UBE4B: variants seen among roughly 807,000 people sequenced by gnomAD.
UBE4B encodes the protein ubiquitination factor E4B.
In UBE4B, 27 loss-of-function variants were observed where a neutral mutation model predicts 148.1. The observed-to-expected ratio is 0.18, with a 90% CI of 0.13 to 0.25. The LOEUF is 0.25. UBE4B is among the 10% of genes least tolerant of loss of function. The probability of loss-of-function intolerance (pLI) is 1.00; values close to 1 mark genes in which losing one functional copy is unlikely to be tolerated. For synonymous variants in UBE4B, 596 were observed against 619.3 expected, an observed-to-expected ratio of 0.96 and a Z score of 0.56; for missense variants, 1,170 against 1,662.4, an observed-to-expected ratio of 0.70 and a Z score of 5.15.
intron 25 of UBE4B, among the ~76,000 whole-genome samples, chr1:10,175,639 A>G (rs985580251): frequency 2.0e-5 from 3 of 152,094 alleles, no homozygotes; most frequent in Non-Finnish European, 2.9e-5. Flanking sequence ...CGACAGAGCG[A>G]GACTCCGTCT....
chr1:10,151,600 A>G, intron 21 of UBE4B, 39 bp downstream of exon 21: 2 of 1,566,566 alleles, frequency 1.3e-6, no homozygotes, highest in East Asian at 2.2e-5. Context: ...TGGCAGGCCA[A>G]CTTAGGTAAG....
intron 1 of UBE4B, among the ~76,000 whole-genome samples, chr1:10,047,059 G>A (rs918229737): frequency 6.6e-6 from 1 of 152,092 alleles, no homozygotes; most frequent in Non-Finnish European, 1.5e-5. Context: ...ATGTTTTATT[G>A]TGATCTCTGA....
intron 3 of UBE4B, among the ~76,000 whole-genome samples, chr1:10,097,369 G>A (rs531315042): frequency 6.6e-6 from 1 of 152,026 alleles, no homozygotes; most frequent in African/African-American, 2.4e-5. Flanking sequence ...AAGACAACAG[G>A]GGTCCAGGAT....
Position 10,105,693 on chromosome 1 carries a change from C to T in UBE4B, c.758C>T (p.Thr253Ile). 1 of 1,614,220 alleles carries T rather than the reference C, an allele frequency of 6.2e-7. No individual in the cohort carries two copies. The highest frequency in any genetic ancestry group is 1.3e-5 in the African/African-American group (1 of 75,066). ...LLLNTGSNPG[T>I]SPMFCSVASF... ...CTAAACACTGGCTCCAATCCAGGAA[C>T]AAGCCCCATGTTCTGCAGCGTGGCT... The change falls in exon 6 of 28, where the codon ACA becomes ATA. Residue 253 changes from threonine (T) to isoleucine (I), a missense_variant. By Grantham distance (89) the Thr-to-Ile change is moderately conservative. Coordinates refer to ENST00000343090, the MANE Select transcript of UBE4B (RefSeq NM_001105562.3).
chr1:10,049,613 A>T (rs1643989490), intron 1 of UBE4B, among the ~76,000 whole-genome samples: 1 of 151,914 alleles, frequency 6.6e-6, no homozygotes, highest in Non-Finnish European at 1.5e-5. Context: ...ATTAGGAAAC[A>T]ATGTTGGCTG....
At chr1:10,147,276 T>C (rs1452518707) in intron 19 of UBE4B, among the ~76,000 whole-genome samples, 186 bp downstream of exon 19, 1 of 152,082 alleles carries the variant, frequency 6.6e-6, no homozygotes, top group African/African-American at 2.4e-5. Flanking sequence ...ATGGATAACT[T>C]GAGGTCAGGA....
At chr1:10,160,934 C>A (rs1194864688) in intron 22 of UBE4B, among the ~76,000 whole-genome samples, 1 of 152,036 alleles carries the variant, frequency 6.6e-6, no homozygotes, top group Non-Finnish European at 1.5e-5. Context: ...CAGAGTGAGA[C>A]CCTGTCTCAA....
At chr1:10,108,419 T>A (rs2101898935) in intron 7 of UBE4B, among the ~76,000 whole-genome samples, 1 of 152,302 alleles carries the variant, frequency 6.6e-6, no homozygotes, top group Non-Finnish European at 1.5e-5. Flanking sequence ...TTGCTGAATG[T>A]TTACCCCTGG....
chr1:10,078,968 C>T (rs182574595), intron 2 of UBE4B, among the ~76,000 whole-genome samples: 2 of 152,272 alleles, frequency 1.3e-5, no homozygotes, highest in East Asian at 3.9e-4. Context: ...AGGTGCGCGC[C>T]ACCATGCCTG....
intron 7 of UBE4B, among the ~76,000 whole-genome samples, chr1:10,111,383 G>C (rs1645217997): frequency 6.6e-6 from 1 of 151,970 alleles, no homozygotes; most frequent in South Asian, 2.1e-4. Context: ...CTTTGTACTT[G>C]TTTCTCCCCT....
chr1:10,090,072 G>A (rs1487433394), intron 2 of UBE4B, among the ~76,000 whole-genome samples: 1 of 151,520 alleles, frequency 6.6e-6, no homozygotes, highest in Non-Finnish European at 1.5e-5. Flanking sequence ...TCAGCAGTCT[G>A]GGGTAAAGGA....
chr1:10,121,162 T>G lies in UBE4B; in HGVS notation c.1440-800T>G, dbSNP rs542697577. The stretch of plus-strand genomic sequence containing the variant: ...GGTGGATCACCTGAGGTTAGGAGTT[T>G]GGGACCAACATGGTGAAACCCCATC... On this transcript the variant is annotated intron_variant, in intron 9 of 27. Coordinates refer to ENST00000343090, the MANE Select transcript of UBE4B (RefSeq NM_001105562.3). Among the ~76,000 whole-genome samples, 7 of 151,724 alleles carry G rather than the reference T, an allele frequency of 4.6e-5. No homozygotes were observed. In the South Asian group the frequency reaches 1.3e-3, roughly 27 times the overall value.
chr1:10,095,185 G>A (rs939325998), intron 2 of UBE4B, among the ~76,000 whole-genome samples: 6 of 152,244 alleles, frequency 3.9e-5, no homozygotes, highest in African/African-American at 1.4e-4. Context: ...AGTTTGAATT[G>A]GTGCAAGAGA....
intron 22 of UBE4B, among the ~76,000 whole-genome samples, chr1:10,159,253 C>A (rs79817253): frequency 0.017 from 2,655 of 152,202 alleles, 34 homozygotes; most frequent in Non-Finnish European, 0.027. Context: ...TTTTCATATA[C>A]CTACCTGAAA....
intron 7 of UBE4B, among the ~76,000 whole-genome samples, chr1:10,110,709 T>G (rs1208761282): frequency 1.3e-5 from 2 of 152,176 alleles, no homozygotes; most frequent in Non-Finnish European, 2.9e-5. Context: ...GGAGGTCAAA[T>G]CTTGAATGTC....
At chr1:10,096,954 A>G (rs1644938008) in intron 3 of UBE4B, among the ~76,000 whole-genome samples, 1 of 151,638 alleles carries the variant, frequency 6.6e-6, no homozygotes, top group South Asian at 2.1e-4. Context: ...CAGGAGAATC[A>G]CTTGAACCTG....
chr1:10,122,445 G>C (rs1645426455), intron 10 of UBE4B, among the ~76,000 whole-genome samples: 1 of 152,228 alleles, frequency 6.6e-6, no homozygotes, highest in Non-Finnish European at 1.5e-5. Flanking sequence ...TTCATTCTCT[G>C]AGTTTGTAAG....
intron 16 of UBE4B, among the ~76,000 whole-genome samples, chr1:10,136,282 G>A (rs773227013): frequency 1.3e-5 from 2 of 151,912 alleles, no homozygotes; most frequent in African/African-American, 4.8e-5. Flanking sequence ...AGACCAGCCT[G>A]GGCAAAATAA....
At position 10,117,568 on chromosome 1, in the gene UBE4B, C is replaced by A; in HGVS notation, c.1306C>A (p.Arg436=). 1 of 1,600,138 alleles carries A rather than the reference C, an allele frequency of 6.2e-7. No individual in the cohort carries two copies. Among genetic ancestry groups the A allele is most frequent in the Admixed American group, 1.8e-5 (1 of 56,504 alleles). The change falls in exon 8 of 28, where the codon CGA becomes AGA. Residue 436 remains arginine, a synonymous_variant. Coordinates refer to ENST00000343090, the MANE Select transcript of UBE4B (RefSeq NM_001105562.3). The part of the protein sequence containing the change: ...MLNYLIECFD[R]VGIEEKKAPK... Reference sequence around the variant, plus strand: ...GAACTACCTCATCGAGTGTTTCGACCGAGTTGGAATAGAGGAAAAAAAAGC... The same window carrying A: ...GAACTACCTCATCGAGTGTTTCGACAGAGTTGGAATAGAGGAAAAAAAAGC...
Sources: allele counts gnomAD v4.1 joint callset (sites outside exome capture counted in the v4.1 genomes callset), GRCh38; gene constraint gnomAD v4.1.1; transcripts MANE v1.5; gene names NCBI Gene and HGNC (gene_info 2026-07-23, HGNC 2026-07-21).